ELAVL2: variants seen among roughly 807,000 people sequenced by gnomAD.
The protein encoded by ELAVL2 is ELAV-like protein 2.
In ELAVL2, 4 loss-of-function variants were observed where a neutral mutation model predicts 34.6. That is an observed-to-expected ratio of 0.12 (90% CI 0.06 to 0.26). The LOEUF (loss-of-function observed/expected upper bound fraction) is 0.26. Ranked by LOEUF, ELAVL2 falls within the 10% of genes least tolerant of loss-of-function variation. The pLI is 1.00. For missense variants in ELAVL2, 432 were observed against 442.8 expected (o/e 0.98, Z 0.22); for synonymous variants, 193 against 154.8 (o/e 1.25, Z -1.83).
intron 2 of ELAVL2, among the ~76,000 whole-genome samples, chr9:23,741,288 C>G (rs562606171): frequency 1.3e-5 from 2 of 152,260 alleles, no homozygotes; most frequent in South Asian, 2.1e-4. Context: ...ACCGACCCCC[C>G]ATCCTGGAAG....
chr9:23,827,655 G>A (rs968875895), upstream of ELAVL2, among the ~76,000 whole-genome samples: 5 of 152,148 alleles, frequency 3.3e-5, no homozygotes, highest in South Asian at 4.2e-4. Context: ...TGAGAATGCC[G>A]GAAAAAGAAG....
intron 5 of ELAVL2, among the ~76,000 whole-genome samples, chr9:23,699,503 G>A (rs1287266430): frequency 2.0e-5 from 3 of 151,988 alleles, no homozygotes; most frequent in African/African-American, 7.2e-5. Context: ...ACATTATGAA[G>A]AACTTTGTTC....
upstream of ELAVL2, among the ~76,000 whole-genome samples, chr9:23,828,093 G>C (rs992851548): frequency 2.0e-5 from 3 of 152,106 alleles, no homozygotes; most frequent in African/African-American, 7.2e-5. Flanking sequence ...GGGGGAAAAG[G>C]AAGACTCCAC....
intron 1 of ELAVL2, among the ~76,000 whole-genome samples, chr9:23,810,312 C>T (rs1455754299): frequency 6.6e-6 from 1 of 151,960 alleles, no homozygotes; most frequent in Non-Finnish European, 1.5e-5. Flanking sequence ...CAGTCATGGA[C>T]CTAAAATAAT....
At chr9:23,771,548 A>T (rs1222852217) in intron 1 of ELAVL2, among the ~76,000 whole-genome samples, 1 of 152,274 alleles carries the variant, frequency 6.6e-6, no homozygotes, top group East Asian at 1.9e-4. Context: ...ATTTGCTACT[A>T]AATGAATCCA....
the ELAVL2 span, among the ~76,000 whole-genome samples, chr9:23,848,944 T>A: frequency 6.6e-6 from 1 of 152,174 alleles, no homozygotes; most frequent in Non-Finnish European, 1.5e-5. Context: ...CAGCCCTGGA[T>A]AAGCTAAAAG....
intron 3 of ELAVL2, among the ~76,000 whole-genome samples, chr9:23,724,824 A>G (rs2044660096): frequency 6.6e-6 from 1 of 152,082 alleles, no homozygotes. Flanking sequence ...CAGAGGAACA[A>G]TTTACTCAAC....
At chr9:23,820,553 G>A (rs1219059673) in intron 1 of ELAVL2, among the ~76,000 whole-genome samples, 10 of 152,202 alleles carry the variant, frequency 6.6e-5, no homozygotes, top group Non-Finnish European at 1.5e-5. Context: ...AGCTACAACT[G>A]CATGCTCATA....
chr9:23,767,162 T>C (rs533389259), intron 1 of ELAVL2, among the ~76,000 whole-genome samples: 2 of 152,296 alleles, frequency 1.3e-5, no homozygotes, highest in African/African-American at 4.8e-5. Flanking sequence ...AAATAGAAGA[T>C]TGTCTCTACT....
chr9:23,746,788 T>A (rs557842088), intron 2 of ELAVL2, among the ~76,000 whole-genome samples: 4 of 143,408 alleles, frequency 2.8e-5, no homozygotes, highest in African/African-American at 7.8e-5. Flanking sequence ...TCCACGAACA[T>A]CCTTAGAAGT....
intron 2 of ELAVL2, among the ~76,000 whole-genome samples, chr9:23,736,006 T>C (rs2047802349): frequency 6.6e-6 from 1 of 152,236 alleles, no homozygotes; most frequent in Non-Finnish European, 1.5e-5. Flanking sequence ...GCCACCTACA[T>C]TGTTTTAATA....
At chr9:23,837,532 G>T in the ELAVL2 span, among the ~76,000 whole-genome samples, 1 of 152,104 alleles carries the variant, frequency 6.6e-6, no homozygotes, top group Non-Finnish European at 1.5e-5. Flanking sequence ...TCATTTTACA[G>T]ATAAGGAAAC....
intron 1 of ELAVL2, among the ~76,000 whole-genome samples, chr9:23,823,187 G>A (rs748819362): frequency 2.0e-5 from 3 of 152,222 alleles, no homozygotes; most frequent in Admixed American, 1.3e-4. Context: ...GTGGGTTCCT[G>A]GGAAAACTGC....
rs2049903467 is a variant in ELAVL2 at position 23,743,973 on chromosome 9, C to T, written c.230-12848G>A. ...ACACAGAGCTTCTCAGCTATTTGGGCCACATTACATGCCCACTTGGCAAAC... is the reference window on the plus strand; with the variant it reads ...ACACAGAGCTTCTCAGCTATTTGGGTCACATTACATGCCCACTTGGCAAAC... On this transcript the variant is annotated intron_variant, in intron 2 of 6. Transcript: ENST00000397312. 2.6e-5 allele frequency among the ~76,000 whole-genome samples: 4 copies of T among 152,130 alleles called. No homozygotes were observed. The South Asian group carries it at 8.3e-4, about 32-fold the overall frequency.
chr9:23,793,732 T>TG (rs2137320355), intron 1 of ELAVL2, among the ~76,000 whole-genome samples: 1 of 152,310 alleles, frequency 6.6e-6, no homozygotes, highest in Admixed American at 6.5e-5. Context: ...CCTGAATACC[T>TG]GGCTCTTGAT....
At chr9:23,803,830 A>T (rs2137761616) in intron 1 of ELAVL2, among the ~76,000 whole-genome samples, 1 of 152,214 alleles carries the variant, frequency 6.6e-6, no homozygotes, top group Middle Eastern at 3.4e-3. Flanking sequence ...ACCTTTTCCC[A>T]ATGTTTGCAG....
chr9:23,787,317 T>C (rs1300472553), intron 1 of ELAVL2, among the ~76,000 whole-genome samples: 5 of 151,404 alleles, frequency 3.3e-5, no homozygotes, highest in African/African-American at 1.2e-4. Context: ...TGGAGTGCAA[T>C]GGCATGATCT....
chr9:23,749,578 T>C (rs1239790002), intron 2 of ELAVL2, among the ~76,000 whole-genome samples: 2 of 152,134 alleles, frequency 1.3e-5, no homozygotes, highest in South Asian at 2.1e-4. Flanking sequence ...TATATCTTTA[T>C]GGAGAGAACC....
chr9:23,765,239 C>A, intron 1 of ELAVL2: 1 of 669,206 alleles, frequency 1.5e-6, no homozygotes. Context: ...TGAGGCAATT[C>A]CAATCTAATC....
Sources: gnomAD v4.1 joint callset for allele counts (sites outside exome capture counted in the v4.1 genomes callset) on GRCh38, gnomAD v4.1.1 for gene constraint, MANE v1.5 for transcripts, NCBI Gene and HGNC (gene_info 2026-07-23, HGNC 2026-07-21) for gene names.